The following MINAR1 variants were observed in gnomAD, a reference collection of about 807,000 sequenced individuals.
The protein encoded by MINAR1 is membrane integral NOTCH2 associated receptor 1.
A neutral mutation model predicts 65.1 loss-of-function variants in MINAR1; 40 were observed. The ratio of observed to expected loss-of-function variants is 0.61; its 90% CI spans 0.48 to 0.80. The LOEUF is 0.80. Ranked by LOEUF, MINAR1 falls within the 30% of genes least tolerant of loss-of-function variation. The probability of loss-of-function intolerance (pLI) is 0.00; values close to 1 mark genes in which losing one functional copy is unlikely to be tolerated. For missense variants in MINAR1, 1,128 were observed against 1,148.0 expected (o/e 0.98, Z 0.25); for synonymous variants, 482 against 449.1 (o/e 1.07, Z -0.93).
intron 2 of MINAR1, among the ~76,000 whole-genome samples, chr15:79,462,523 C>T (rs1013304671): frequency 3.3e-5 from 5 of 152,192 alleles, no homozygotes; most frequent in African/African-American, 1.2e-4. Context: ...ACTAGAGGCT[C>T]CCAACATGTG....
In MINAR1 at chr15:79,435,854, G is replaced by A. The variant is rs534057275; in HGVS notation, c.-51+3314G>A. 1.8e-3 allele frequency among the ~76,000 whole-genome samples: 275 copies of A among 152,350 alleles called. 3 individuals carry two copies. Among genetic ancestry groups the A allele is most frequent in the African/African-American group, 6.5e-3 (270 of 41,590 alleles). On this transcript the variant is annotated intron_variant, in intron 1 of 3. Coordinates refer to ENST00000305428, the MANE Select transcript of MINAR1 (RefSeq NM_015206.3). ...CTGGGAATGGATTGCCCCAAGAGGG[G>A]ATAGAAGCATATATATGGTGGCTAT...
Position 79,469,407 on chromosome 15 carries a change from C to A in MINAR1, c.*1023C>A, listed in dbSNP as rs1264808623. 3 of 152,544 alleles carry A rather than the reference C, an allele frequency of 2.0e-5. No individual in the cohort carries two copies. The highest frequency in any genetic ancestry group is 1.5e-5 in the Non-Finnish European group (1 of 68,036). The allele number at this position is 152,544 out of a possible 1,614,324, so 9.4% of individuals were successfully genotyped here. A position where few individuals can be genotyped will look rare whatever the true frequency, so the allele number is the denominator to read the frequency against. On this transcript the variant is annotated 3_prime_UTR_variant, in exon 4 of 4. Transcript: ENST00000305428. The stretch of plus-strand genomic sequence containing the variant: ...GCTTTAAAAAGATTTTGAAAGCTTG[C>A]TCAATAATGTTCAATAATATAATAA...
At chr15:79,434,489 C>T (rs1476048390) in intron 1 of MINAR1, among the ~76,000 whole-genome samples, 1 of 152,226 alleles carries the variant, frequency 6.6e-6, no homozygotes, top group Non-Finnish European at 1.5e-5. Flanking sequence ...AGCCCTTTCT[C>T]AAATCTTGAC....
upstream of MINAR1, among the ~76,000 whole-genome samples, chr15:79,431,706 C>T (rs146686773): frequency 3.4e-3 from 512 of 152,346 alleles, 6 homozygotes; most frequent in African/African-American, 0.012. Context: ...ACTCTTCGCC[C>T]CTGCTTGCCA....
Position 79,456,705 on chromosome 15 carries a change from A to C in MINAR1, c.558A>C (p.Lys186Asn). Residue 186 changes from lysine (K) to asparagine (N), a missense_variant, in exon 2 of 4, where the codon AAA becomes AAC. By Grantham distance (94) the Lys-to-Asn change is moderately conservative. Transcript: ENST00000305428. ...NFLLGVSKEV[K>N]NRAASLDRLQ... Reference sequence around the variant, plus strand: ...TGTTGGGAGTTAGCAAAGAGGTGAAAAACCGCGCCGCTTCCCTGGACAGGT... The same window carrying C: ...TGTTGGGAGTTAGCAAAGAGGTGAACAACCGCGCCGCTTCCCTGGACAGGT... The C allele has an allele frequency of 1.2e-6, 2 of 1,602,898 alleles. No individual in the cohort carries two copies. The highest frequency in any genetic ancestry group is 1.1e-5 in the South Asian group (1 of 90,864).
intron 3 of MINAR1, 150 bp downstream of exon 3, chr15:79,463,471 A>G (rs1895727398): frequency 3.4e-6 from 3 of 886,734 alleles, no homozygotes; most frequent in Non-Finnish European, 5.2e-6. Flanking sequence ...ACTTTAATAA[A>G]TCATAGAGCA....
At chr15:79,464,002 G>T (rs532750144) in intron 3 of MINAR1, among the ~76,000 whole-genome samples, 2 of 152,208 alleles carry the variant, frequency 1.3e-5, no homozygotes, top group Admixed American at 6.5e-5. Context: ...AGGAGTGCCC[G>T]TTCCGTCCAG....
chr15:79,437,561 AGTGGGT>A (rs1020281074), intron 1 of MINAR1, among the ~76,000 whole-genome samples: 1 of 142,340 alleles, frequency 7.0e-6, no homozygotes, highest in Non-Finnish European at 1.5e-5. Context: ...GTGGTTAGTG[AGTGGGT>A]GTGGGTGTGG....
At chr15:79,439,465 G>T (rs1286119661) in intron 1 of MINAR1, among the ~76,000 whole-genome samples, 1 of 151,178 alleles carries the variant, frequency 6.6e-6, no homozygotes, top group Non-Finnish European at 1.5e-5. Context: ...GGTGGAGTAG[G>T]CCATGAGTAT....
chr15:79,456,204 C>G lies in MINAR1; in HGVS notation c.57C>G (p.Asp19Glu). Residue 19 changes from aspartate (D) to glutamate (E), a missense_variant, in exon 2 of 4, where the codon GAC becomes GAG. Coordinates refer to ENST00000305428, the MANE Select transcript of MINAR1 (RefSeq NM_015206.3). Reference sequence around the variant, plus strand: ...TGGTGAAGATCTTGGAGGAACTGGACAGCAAGCAAAATACCGTTTCTTATC... The same window carrying G: ...TGGTGAAGATCTTGGAGGAACTGGAGAGCAAGCAAAATACCGTTTCTTATC... ...LFLVKILEEL[D>E]SKQNTVSYQD... 6.2e-7 allele frequency: 1 copy of G among 1,613,898 alleles called. No homozygotes were observed. Among genetic ancestry groups the G allele is most frequent in the East Asian group, 2.2e-5 (1 of 44,850 alleles).
At chr15:79,442,592 GAA>G (rs35688303) in intron 1 of MINAR1, among the ~76,000 whole-genome samples, 40,513 of 122,702 alleles carry the variant, frequency 0.33, 5,947 homozygotes, top group South Asian at 0.54. Context: ...CCATAAAAAT[GAA>G]AAAAAAAAAA....
At chr15:79,452,235 G>A (rs1895231824) in intron 1 of MINAR1, among the ~76,000 whole-genome samples, 1 of 151,882 alleles carries the variant, frequency 6.6e-6, no homozygotes, top group African/African-American at 2.4e-5. Flanking sequence ...GTATGAATGT[G>A]TTGTGTGTAT....
At chr15:79,412,045 C>T in the MINAR1 span, 6 of 144,720 alleles carry the variant, frequency 4.1e-5, no homozygotes, top group Admixed American at 3.4e-4. Context: ...GGGCCCGCAT[C>T]ACAGCTCCTG....
upstream of MINAR1, among the ~76,000 whole-genome samples, chr15:79,428,593 T>C (rs1479704179): frequency 2.0e-5 from 3 of 151,126 alleles, no homozygotes; most frequent in African/African-American, 7.3e-5. Context: ...GCGGAATACC[T>C]GTTATGAGGC....
At chr15:79,434,584 G>C (rs1894542535) in intron 1 of MINAR1, among the ~76,000 whole-genome samples, 1 of 152,210 alleles carries the variant, frequency 6.6e-6, no homozygotes, top group African/African-American at 2.4e-5. Flanking sequence ...GCAGGGGAAG[G>C]CCCTGCTCTC....
the MINAR1 span, chr15:79,412,565 C>G: frequency 1.3e-5 from 2 of 152,422 alleles, no homozygotes; most frequent in Non-Finnish European, 2.9e-5. Flanking sequence ...CATGCTAACA[C>G]CACTACCAGC....
At position 79,469,912 on chromosome 15, in the gene MINAR1, A is replaced by G. The variant is rs1442825830; in HGVS notation, c.*1528A>G. The G allele has an allele frequency of 6.6e-6, 1 of 152,670 alleles. No individual in the cohort carries two copies. The highest frequency in any genetic ancestry group is 2.4e-5 in the African/African-American group (1 of 41,460). 9.5% of individuals were successfully genotyped at this position (152,670 alleles called of 1,614,324 possible). On this transcript the variant is annotated 3_prime_UTR_variant, in exon 4 of 4. Transcript: ENST00000305428. ...TGAGAGCATCTCAATTTTTAAAGCA[A>G]TAGGAGTCTAGCATCCATTCTGAAA... is the stretch of plus-strand genomic sequence containing the variant.
chr15:79,467,359 CTCA>C (rs1378156372), intron 3 of MINAR1, among the ~76,000 whole-genome samples: 1 of 152,222 alleles, frequency 6.6e-6, no homozygotes, highest in Non-Finnish European at 1.5e-5. Flanking sequence ...TTATGTGACA[CTCA>C]TATTATTAAA....
intron 3 of MINAR1, among the ~76,000 whole-genome samples, chr15:79,466,541 T>C (rs543017104): frequency 6.6e-6 from 1 of 152,112 alleles, no homozygotes; most frequent in Non-Finnish European, 1.5e-5. Context: ...TTTTCAACCA[T>C]TTAAAAATGG....
Sources: gnomAD v4.1 joint callset for allele counts (sites outside exome capture counted in the v4.1 genomes callset) on GRCh38, gnomAD v4.1.1 for gene constraint, MANE v1.5 for transcripts, NCBI Gene and HGNC (gene_info 2026-07-23, HGNC 2026-07-21) for gene names.